The following SPHK2 variants were observed in gnomAD, a reference collection of about 807,000 sequenced individuals.
SPHK2 encodes sphingosine kinase 2.
SPHK2 carries 18 observed loss-of-function variants against 32.3 expected under a neutral mutation model. The observed-to-expected ratio is 0.56, with a 90% CI of 0.39 to 0.83. SPHK2 has a LOEUF of 0.83. Among genes scored for constraint, SPHK2 ranks in the 40% least tolerant of loss-of-function variants. The pLI, the probability that SPHK2 is intolerant of heterozygous loss-of-function variation, is 0.00. For missense variants in SPHK2, 850 were observed against 908.7 expected, an observed-to-expected ratio of 0.94 and a Z score of 0.83; for synonymous variants, 462 against 417.6, an observed-to-expected ratio of 1.11 and a Z score of -1.30.
rs778328012 is a variant in SPHK2, at chr19:48,628,037, G to A, written c.724G>A (p.Val242Ile). The A allele has an allele frequency of 5.6e-6, 9 of 1,595,678 alleles. No individual in the cohort carries two copies. The highest frequency in any genetic ancestry group is 2.2e-5 in the East Asian group (1 of 44,522). The part of the protein sequence containing the change: ...GLSLSEWDGI[V>I]TVSGDGLLHE... ...GAGCCTGAGTGAGTGGGATGGCATC[G>A]TCACGGTCTCGGGAGACGGGCTGCT... The change falls in exon 5 of 7, where the codon GTC (valine) becomes ATC (isoleucine). Residue 242 changes from valine to isoleucine, a missense_variant. This residue lies in a region of SPHK2 where 544 missense variants were observed against 640.0 expected (regional missense o/e 0.85). Transcript: ENST00000245222. The surrounding 1 kb of genome is among the most constrained non-coding windows in gnomAD (Gnocchi z 5.2).
At chr19:48,623,913 T>G (rs1974503260) in intron 2 of SPHK2, 1 of 152,324 alleles carries the variant, frequency 6.6e-6, no homozygotes, top group Admixed American at 6.6e-5. Flanking sequence ...AAAAAAAGTA[T>G]CCTTCACTTT....
In SPHK2 at chr19:48,629,825, C is replaced by G; in HGVS notation, c.*52C>G. ...GGGCGGGGCCTACATTCCAATGGGG[C>G]GGAGCCTGAGCTAGGGGGTGTGGCC... On this transcript the variant is annotated 3_prime_UTR_variant, in exon 7 of 7. Transcript: ENST00000245222. 2.0e-6 allele frequency: 3 copies of G among 1,513,784 alleles called. No individual in the cohort carries two copies. The highest frequency in any genetic ancestry group is 2.7e-6 in the Non-Finnish European group (3 of 1,130,962). The allele number at this position is 1,513,784 out of a possible 1,614,324, so 93.8% of individuals were successfully genotyped here.
At position 48,628,855 on chromosome 19, in the gene SPHK2, C is replaced by T. The variant is rs1248559894; in HGVS notation, c.1047C>T (p.Arg349=). The T allele has an allele frequency of 6.2e-7, 1 of 1,613,720 alleles. No homozygotes were observed. Among genetic ancestry groups the T allele is most frequent in the African/African-American group, 1.3e-5 (1 of 74,942 alleles). The change falls in exon 7 of 7, where the codon CGC becomes CGT. Residue 349 remains arginine, a synonymous_variant. Transcript: ENST00000245222. This position sits in a 1 kb window ranked among gnomAD's most constrained non-coding sequence, Gnocchi z 5.2. ...CAGATGTGGATATCCAGAGCGAGCG[C>T]TTCAGGGCCTTGGGCAGTGCCCGCT... ...FVSDVDIQSE[R]FRALGSARFT...
chr19:48,624,974 G>C (rs1037229304), intron 2 of SPHK2: 1 of 987,500 alleles, frequency 1.0e-6, no homozygotes, highest in African/African-American at 1.7e-5. Flanking sequence ...TGAGCGAAAG[G>C]AGGAGGCAGA....
Position 48,629,836 on chromosome 19 carries a change from C to A in SPHK2, c.*63C>A, listed in dbSNP as rs986940283. On this transcript the variant is annotated 3_prime_UTR_variant, in exon 7 of 7. Transcript: ENST00000245222. ...ACATTCCAATGGGGCGGAGCCTGAG[C>A]TAGGGGGTGTGGCCTGGCTGCTAGA... 6.7e-7 allele frequency: 1 copy of A among 1,500,232 alleles called. No individual in the cohort carries two copies. Among genetic ancestry groups the A allele is most frequent in the Admixed American group, 2.4e-5 (1 of 42,056 alleles). The allele number at this position is 1,500,232 out of a possible 1,614,324, so 92.9% of individuals were successfully genotyped here. A position where few individuals can be genotyped will look rare whatever the true frequency, so the allele number is the denominator to read the frequency against.
chr19:48,628,386 C>A lies in SPHK2; in HGVS notation c.872+109C>A. The A allele has an allele frequency of 9.0e-7, 1 of 1,106,356 alleles. No homozygotes were observed. Among genetic ancestry groups the A allele is most frequent in the Non-Finnish European group, 1.4e-6 (1 of 730,004 alleles). 68.5% of individuals were successfully genotyped at this position (1,106,356 alleles called of 1,614,324 possible). On this transcript the variant is annotated intron_variant, in intron 6 of 6. Transcript: ENST00000245222. This position sits in a 1 kb window ranked among gnomAD's most constrained non-coding sequence, Gnocchi z 5.2. ...CAGTCAGTCAAGTAAATCAGCCTGC[C>A]TGTGGGATGCTCACCCCCAGCTCCT...
chr19:48,619,726 T>C (rs1974322466), intron 1 of SPHK2, 183 bp downstream of exon 1: 1 of 158,770 alleles, frequency 6.3e-6, no homozygotes, highest in Non-Finnish European at 1.4e-5. Flanking sequence ...CCTCAATCTA[T>C]AGCATCCTGT....
At position 48,620,463 on chromosome 19, in the gene SPHK2, T is replaced by C; in HGVS notation, c.-52T>C. On this transcript the variant is annotated 5_prime_UTR_variant, in exon 2 of 7. Transcript: ENST00000245222. ...CTTGCTCCTACCAGCCTACTATGGC[T>C]TAAGACCCAGGGCCAGGGTCCCGTT... 1 of 1,581,832 alleles carries C rather than the reference T, an allele frequency of 6.3e-7. No individual in the cohort carries two copies. Among genetic ancestry groups the C allele is most frequent in the Non-Finnish European group, 8.6e-7 (1 of 1,156,210 alleles).
intron 3 of SPHK2, among the ~76,000 whole-genome samples, chr19:48,627,174 G>T (rs912090595): frequency 1.3e-5 from 2 of 152,204 alleles, no homozygotes; most frequent in Non-Finnish European, 2.9e-5. Context: ...AGAGAAAAGT[G>T]ATTTACATCT....
intron 2 of SPHK2, among the ~76,000 whole-genome samples, chr19:48,621,776 A>T (rs1477489838): frequency 6.6e-6 from 1 of 152,192 alleles, no homozygotes; most frequent in Non-Finnish European, 1.5e-5. Flanking sequence ...CAGTTATTCA[A>T]TTGAGACATG....
At chr19:48,625,175 A>C in intron 2 of SPHK2, 2 of 1,015,180 alleles carry the variant, frequency 2.0e-6, no homozygotes, top group South Asian at 3.7e-5. Context: ...CCTTCTCTCC[A>C]GCTGTCTCCA....
chr19:48,624,294 C>G (rs1286913172), intron 2 of SPHK2: 1 of 152,430 alleles, frequency 6.6e-6, no homozygotes, highest in Non-Finnish European at 1.5e-5. Context: ...GCTCCACCCC[C>G]CGCGCCCTCG....
intron 1 of SPHK2, chr19:48,619,872 AG>A: frequency 6.5e-6 from 1 of 153,248 alleles, no homozygotes; most frequent in Non-Finnish European, 1.5e-5. Context: ...GGGGGAATGG[AG>A]GCCCAAAGGG....
At position 48,629,932 on chromosome 19, in the gene SPHK2, G is replaced by A. The variant is rs1213975028; in HGVS notation, c.*159G>A. 1 of 1,420,570 alleles carries A rather than the reference G, an allele frequency of 7.0e-7. No individual in the cohort carries two copies. The highest frequency in any genetic ancestry group is 9.2e-7 in the Non-Finnish European group (1 of 1,090,736). The allele number at this position is 1,420,570 out of a possible 1,614,324, so 88.0% of individuals were successfully genotyped here. On this transcript the variant is annotated 3_prime_UTR_variant, in exon 7 of 7. Coordinates refer to ENST00000245222, the MANE Select transcript of SPHK2 (RefSeq NM_020126.5). ...TTTCATGGGACCAGACGTGATGCTG[G>A]AAGGTGGGCGTCGTCACGGTTAAAG...
chr19:48,622,151 C>A (rs1346395309), intron 2 of SPHK2, among the ~76,000 whole-genome samples: 1 of 151,224 alleles, frequency 6.6e-6, no homozygotes, highest in Non-Finnish European at 1.5e-5. Flanking sequence ...CAGCTACACA[C>A]GGGAGGCTGA....
chr19:48,625,688 G>C (rs774051688), intron 2 of SPHK2: 1 of 1,534,710 alleles, frequency 6.5e-7, no homozygotes, highest in Admixed American at 2.0e-5. Context: ...TTGCATGCCC[G>C]GGTCTCCGGC....
At chr19:48,625,256 G>A in intron 2 of SPHK2, 2 of 1,074,050 alleles carry the variant, frequency 1.9e-6, no homozygotes, top group Non-Finnish European at 2.3e-6. Flanking sequence ...GGGTGAAAAA[G>A]TCTTACTCTC....
At chr19:48,625,683 T>G in intron 2 of SPHK2, 1 of 1,534,602 alleles carries the variant, frequency 6.5e-7, no homozygotes, top group Non-Finnish European at 8.7e-7. Flanking sequence ...GATGTTTGCA[T>G]GCCCGGGTCT....
At chr19:48,626,963 G>C (rs1241005749) in intron 3 of SPHK2, 1 of 151,870 alleles carries the variant, frequency 6.6e-6, no homozygotes, top group East Asian at 1.9e-4. Context: ...GCGAAACCCT[G>C]TCTCTATTAA....
Sources: gnomAD v4.1 joint callset for allele counts (sites outside exome capture counted in the v4.1 genomes callset) on GRCh38, gnomAD v4.1.1 for gene constraint, gnomAD v4.1.1 regional missense constraint, Gnocchi (gnomAD v3.1) non-coding constraint, MANE v1.5 for transcripts, NCBI Gene and HGNC (gene_info 2026-07-23, HGNC 2026-07-21) for gene names.